The following TGDS variants were observed in gnomAD, a reference collection of about 807,000 sequenced individuals.
TGDS encodes the protein UDP-D-glucose 4,6-dehydratase.
Under a neutral mutation model 52.3 loss-of-function variants are expected in TGDS, and 47 were observed. That is an observed-to-expected ratio of 0.90 (90% CI 0.71 to 1.15). The LOEUF (loss-of-function observed/expected upper bound fraction) is 1.15, where lower values mean the gene tolerates loss of function less well. Ranked by LOEUF, TGDS falls within the 50% of genes most tolerant of loss-of-function variation. The probability of loss-of-function intolerance (pLI) is 0.00; values close to 1 mark genes in which losing one functional copy is unlikely to be tolerated. For synonymous variants in TGDS, 115 were observed against 136.9 expected (o/e 0.84, Z 1.12); for missense variants, 375 against 418.4 (o/e 0.90, Z 0.90).
intron 6 of TGDS, 98 bp from the exon 7 acceptor site, chr13:94,580,051 AAAT>A: frequency 1.4e-6 from 1 of 734,902 alleles, no homozygotes; most frequent in Non-Finnish European, 2.3e-6. Flanking sequence ...ACCTTTGCCT[AAAT>A]AATTCCACAC....
chr13:94,579,699 C>T, intron 7 of TGDS, 195 bp downstream of exon 7: 1 of 448,544 alleles, frequency 2.2e-6, no homozygotes, highest in South Asian at 3.8e-5. Flanking sequence ...TGGTGAGTGT[C>T]AGCCAGCTTG....
chr13:94,587,865 C>T (rs1027572082), intron 4 of TGDS, among the ~76,000 whole-genome samples: 15 of 151,164 alleles, frequency 9.9e-5, no homozygotes, highest in Non-Finnish European at 1.6e-4. Flanking sequence ...GGTGTGGTGG[C>T]GGGCGCCTGT....
At chr13:94,596,177 C>T, upstream of TGDS, 3 of 1,592,412 alleles carry the variant, frequency 1.9e-6, no homozygotes, top group Non-Finnish European at 1.7e-6. Flanking sequence ...AGAGTATGGT[C>T]TGAAAAGCGC....
chr13:94,584,973 C>T (rs1442519068), intron 4 of TGDS, among the ~76,000 whole-genome samples: 1 of 152,074 alleles, frequency 6.6e-6, no homozygotes, highest in Non-Finnish European at 1.5e-5. Flanking sequence ...ATAGTAAAAT[C>T]TACTAAATAA....
chr13:94,577,196 C>T (rs1888633121), intron 10 of TGDS, among the ~76,000 whole-genome samples, 175 bp downstream of exon 10: 1 of 151,872 alleles, frequency 6.6e-6, no homozygotes, highest in South Asian at 2.1e-4. Context: ...AGTCACATAG[C>T]TAGTAAGTAA....
In TGDS at chr13:94,592,225, A is replaced by G. The variant is rs373502397; in HGVS notation, c.222+16T>C. 1.3e-6 allele frequency: 2 copies of G among 1,584,906 alleles called. No homozygotes were observed. The highest frequency in any genetic ancestry group is 1.8e-5 in the Admixed American group (1 of 55,730). On this transcript the variant is annotated intron_variant, in intron 3 of 11. Coordinates refer to ENST00000261296, the MANE Select transcript of TGDS (RefSeq NM_014305.4). ...GACTAAAGAGGCACGGTACAGTTAC[A>G]AGAAAATGTTCATACCTGTATAAAT...
In TGDS at chr13:94,574,603, T is replaced by C; in HGVS notation, c.*179A>G. Reference sequence around the variant, plus strand: ...AAAGAATTTTGACATTTAAATTCTATGCCAGTACTGAAACTCTCCCAAAGA... The same window carrying C: ...AAAGAATTTTGACATTTAAATTCTACGCCAGTACTGAAACTCTCCCAAAGA... On this transcript the variant is annotated 3_prime_UTR_variant, in exon 12 of 12. Transcript: ENST00000261296. 1 of 542,102 alleles carries C rather than the reference T, an allele frequency of 1.8e-6. No individual in the cohort carries two copies. Among genetic ancestry groups the C allele is most frequent in the Non-Finnish European group, 3.3e-6 (1 of 307,690 alleles). The allele number at this position is 542,102 out of a possible 1,614,324, so 33.6% of individuals were successfully genotyped here. A position where few individuals can be genotyped will look rare whatever the true frequency, so the allele number is the denominator to read the frequency against.
At chr13:94,596,247 C>G (rs1200978937), upstream of TGDS, 3 of 1,172,034 alleles carry the variant, frequency 2.6e-6, no homozygotes, top group Non-Finnish European at 3.6e-6. Context: ...GTTAACAGAG[C>G]AGCCAGAGGC....
At chr13:94,589,665 CA>C (rs1889123596) in intron 4 of TGDS, among the ~76,000 whole-genome samples, 1 of 152,024 alleles carries the variant, frequency 6.6e-6, no homozygotes, top group Non-Finnish European at 1.5e-5. Flanking sequence ...ATCCAAATTA[CA>C]AAAAATCATA....
chr13:94,590,503 C>A (rs1368725121), intron 4 of TGDS, among the ~76,000 whole-genome samples: 1 of 151,936 alleles, frequency 6.6e-6, no homozygotes, highest in Non-Finnish European at 1.5e-5. Context: ...TAGAAAATAT[C>A]TAAAATTCAT....
In TGDS at chr13:94,574,370, G is replaced by C. The variant is rs1292421044; in HGVS notation, c.*412C>G. On this transcript the variant is annotated 3_prime_UTR_variant, in exon 12 of 12. Transcript: ENST00000261296. ...TATCAGATCTTAAAAAAGAAATGGT[G>C]AATTAGGGCCTAAGACATCCTATAT... is the stretch of plus-strand genomic sequence containing the variant. 1 of 155,636 alleles carries C rather than the reference G, an allele frequency of 6.4e-6. No homozygotes were observed. The highest frequency in any genetic ancestry group is 1.9e-4 in the East Asian group (1 of 5,388). 9.6% of individuals were successfully genotyped at this position (155,636 alleles called of 1,614,324 possible).
At chr13:94,584,440 AGAT>A (rs1296337898) in intron 4 of TGDS, among the ~76,000 whole-genome samples, 3 of 152,262 alleles carry the variant, frequency 2.0e-5, no homozygotes, top group African/African-American at 7.2e-5. Context: ...GGTATGGAAA[AGAT>A]GATATAAATG....
rs538876412 is a variant in TGDS, at chr13:94,592,365, A to G, written c.154-56T>C. 436 of 1,335,350 alleles carry G rather than the reference A, an allele frequency of 3.3e-4. 2 individuals carry two copies. The South Asian group carries it at 4.4e-3, about 14-fold the overall frequency. The allele number at this position is 1,335,350 out of a possible 1,614,324, so 82.7% of individuals were successfully genotyped here. A position where few individuals can be genotyped will look rare whatever the true frequency, so the allele number is the denominator to read the frequency against. On this transcript the variant is annotated intron_variant, in intron 2 of 11. Transcript: ENST00000261296. ...ACAAAAAGTGACATTAGCTTTTCCA[A>G]TCAAATACCAATTTATTTTAAAGAC...
intron 10 of TGDS, among the ~76,000 whole-genome samples, chr13:94,577,120 G>T (rs1426694104): frequency 6.6e-6 from 1 of 151,402 alleles, no homozygotes; most frequent in Non-Finnish European, 1.5e-5. Context: ...AAAAAAAGAT[G>T]TTATTATCCC....
chr13:94,578,670 G>T, intron 8 of TGDS, 60 bp downstream of exon 8: 1 of 1,278,944 alleles, frequency 7.8e-7, no homozygotes, highest in Non-Finnish European at 1.1e-6. Context: ...TTAAGAAAGT[G>T]TCACCAAATA....
At chr13:94,576,247 TG>T in intron 11 of TGDS, 66 bp downstream of exon 11, 1 of 1,111,010 alleles carries the variant, frequency 9.0e-7, no homozygotes, top group Non-Finnish European at 1.3e-6. Context: ...TATAATGTTC[TG>T]GAAATAAGTT....
At chr13:94,585,199 A>G (rs769270307) in intron 4 of TGDS, among the ~76,000 whole-genome samples, 2 of 151,742 alleles carry the variant, frequency 1.3e-5, no homozygotes, top group African/African-American at 2.4e-5. Context: ...ACAGGTGCCC[A>G]CTACCACGCC....
chr13:94,583,125 G>C lies in TGDS; in HGVS notation c.425C>G (p.Thr142Arg), dbSNP rs1888857822. The change falls in exon 5 of 12, where the codon ACA (threonine) becomes AGA (arginine). Residue 142 changes from threonine (T) to arginine (R), a missense_variant. By Grantham distance (71) the Thr-to-Arg change is moderately conservative. Transcript: ENST00000261296. ...ARVEKFIYVS[T>R]DEVYGGSLDK... ...AAGACTGCCACCATATACTTCATCT[G>C]TGCTGACATAAATAAACTTCTCCAC... 1 of 1,613,668 alleles carries C rather than the reference G, an allele frequency of 6.2e-7. No individual in the cohort carries two copies. The highest frequency in any genetic ancestry group is 8.5e-7 in the Non-Finnish European group (1 of 1,179,888).
At chr13:94,592,330 A>G (rs1343848074) in intron 2 of TGDS, 21 bp from the exon 3 acceptor site, 2 of 1,577,108 alleles carry the variant, frequency 1.3e-6, no homozygotes, top group Non-Finnish European at 1.7e-6. Context: ...GAGAGCACAG[A>G]AGGGGCAACA....
Sources: gnomAD v4.1 joint callset for allele counts (sites outside exome capture counted in the v4.1 genomes callset) on GRCh38, gnomAD v4.1.1 for gene constraint, MANE v1.5 for transcripts, NCBI Gene and HGNC (gene_info 2026-07-23, HGNC 2026-07-21) for gene names.